USP36: variants seen among roughly 807,000 people sequenced by gnomAD.
The protein encoded by USP36 is ubiquitin specific peptidase 36, also known as ubiquitin carboxyl-terminal hydrolase 36.
Under a neutral mutation model 111.5 loss-of-function variants are expected in USP36, and 59 were observed. That is an observed-to-expected ratio of 0.53 (90% CI 0.43 to 0.66). The LOEUF (loss-of-function observed/expected upper bound fraction) is 0.66, where lower values mean the gene tolerates loss of function less well. USP36 is among the 30% of genes least tolerant of loss of function. The pLI is 0.00. For synonymous variants in USP36, 628 were observed against 581.0 expected, an observed-to-expected ratio of 1.08 and a Z score of -1.16; for missense variants, 1,488 against 1,468.0, an observed-to-expected ratio of 1.01 and a Z score of -0.22.
intron 13 of USP36, 144 bp from the exon 14 acceptor site, chr17:78,807,780 G>A: frequency 1.1e-6 from 1 of 871,154 alleles, no homozygotes; most frequent in Non-Finnish European, 1.6e-6. Flanking sequence ...TGGACTCTTG[G>A]TAAAGACACT....
chr17:78,806,793 C>T (rs539474892), intron 14 of USP36, among the ~76,000 whole-genome samples, 166 bp downstream of exon 14: 13 of 152,234 alleles, frequency 8.5e-5, no homozygotes, highest in Admixed American at 2.6e-4. Context: ...CCAAGATAGC[C>T]GTTCTTTAAT....
At chr17:78,815,203 G>A (rs1479322396) in intron 10 of USP36, among the ~76,000 whole-genome samples, 2 of 151,458 alleles carry the variant, frequency 1.3e-5, no homozygotes, top group Non-Finnish European at 2.9e-5. Context: ...GTGGTGGCAC[G>A]TGCCTGTAGT....
chr17:78,800,947 T>C (rs1016345748), intron 17 of USP36, among the ~76,000 whole-genome samples: 2 of 150,790 alleles, frequency 1.3e-5, no homozygotes, highest in South Asian at 4.2e-4. Flanking sequence ...GGAGCACAGC[T>C]CTGGTGCCAT....
Position 78,803,652 on chromosome 17 carries a change from T to TTCTTCC in USP36, c.2537_2542dup (p.Arg846_Lys847dup), listed in dbSNP as rs751922768. 76 of 1,609,868 alleles carry TTCTTCC rather than the reference T, an allele frequency of 4.7e-5. No individual in the cohort carries two copies. Among genetic ancestry groups the TTCTTCC allele is most frequent in the African/African-American group, 9.4e-5 (7 of 74,782 alleles). ...AGCTGTGTCCTCCGGGCGCTTCTTC[T>TTCTTCC]TCTTCCTCTTCCTCTTCCCGTGGGG... On this transcript the variant is annotated inframe_insertion, in exon 16 of 21. Transcript: ENST00000449938. This position sits in a 1 kb window ranked among gnomAD's most constrained non-coding sequence, Gnocchi z 4.6.
intron 15 of USP36, among the ~76,000 whole-genome samples, chr17:78,805,227 C>CA (rs754530045): frequency 3.9e-4 from 59 of 152,172 alleles, no homozygotes; most frequent in Non-Finnish European, 2.4e-4. Flanking sequence ...AGGGCCATGC[C>CA]AGCTGCACGA....
At chr17:78,806,428 G>C (rs2093903675) in intron 14 of USP36, 142 bp from the exon 15 acceptor site, 2 of 1,016,082 alleles carry the variant, frequency 2.0e-6, no homozygotes, top group South Asian at 1.6e-5. Flanking sequence ...AAGACAAAAA[G>C]GGGAGGTGAG....
chr17:78,806,390 C>T (rs531835369), intron 14 of USP36, 104 bp from the exon 15 acceptor site: 1 of 1,498,304 alleles, frequency 6.7e-7, no homozygotes, highest in African/African-American at 1.4e-5. Flanking sequence ...AACAAAAGAG[C>T]CCAGAAAAAA....
chr17:78,833,590 C>CA (rs2068359702), intron 4 of USP36, among the ~76,000 whole-genome samples: 1 of 152,152 alleles, frequency 6.6e-6, no homozygotes, highest in Non-Finnish European at 1.5e-5. Flanking sequence ...CTCAAAAACT[C>CA]ACAGTTACTA....
In USP36 at chr17:78,806,209, GGGGT is replaced by G. The variant is rs1567921070; in HGVS notation, c.2159_2162del (p.His720ProfsTer2). 4 of 1,613,354 alleles carry G rather than the reference GGGGT, an allele frequency of 2.5e-6. No individual in the cohort carries two copies. The highest frequency in any genetic ancestry group is 3.4e-6 in the Non-Finnish European group (4 of 1,179,878). ...CAACGACGGGGTGAGAGGTTTTCAT[GGGGT>G]GGGTGAGGTCGGAGGATGGTGAGGG... On this transcript the variant is annotated frameshift_variant, in exon 15 of 21. Coordinates refer to ENST00000449938, the MANE Select transcript of USP36 (RefSeq NM_001385174.1). LOFTEE classifies it high-confidence loss of function.
chr17:78,813,335 C>T (rs2094112633), intron 12 of USP36, among the ~76,000 whole-genome samples: 1 of 152,174 alleles, frequency 6.6e-6, no homozygotes, highest in South Asian at 2.1e-4. Context: ...TCAGCTGCCA[C>T]GGTCTCCAGC....
chr17:78,831,739 T>G (rs747364907), intron 4 of USP36, among the ~76,000 whole-genome samples: 1 of 151,682 alleles, frequency 6.6e-6, no homozygotes, highest in Non-Finnish European at 1.5e-5. Context: ...CCCAGGTGTT[T>G]GAGACCAGCC....
At chr17:78,804,178 T>C (rs564172484) in intron 15 of USP36, among the ~76,000 whole-genome samples, 200 bp from the exon 16 acceptor site, 137 of 152,160 alleles carry the variant, frequency 9.0e-4, no homozygotes, top group African/African-American at 3.2e-3. Context: ...AAATGCAAAG[T>C]TGGCCAGGTA....
In USP36 at chr17:78,812,547, C is replaced by T. The variant is rs58129406; in HGVS notation, c.1407+313G>A. 1.5e-3 allele frequency among the ~76,000 whole-genome samples: 228 copies of T among 151,758 alleles called. 2 individuals carry two copies. Among genetic ancestry groups the T allele is most frequent in the African/African-American group, 5.3e-3 (220 of 41,372 alleles). On this transcript the variant is annotated intron_variant, in intron 13 of 20. Coordinates refer to ENST00000449938, the MANE Select transcript of USP36 (RefSeq NM_001385174.1). ...TACTAAAAATACAAAAAAAATTAGC[C>T]GGGCGTGGTTCGGGCACCTATAATC...
intron 6 of USP36, 196 bp downstream of exon 6, chr17:78,827,049 C>T (rs776575805): frequency 1.4e-6 from 1 of 719,214 alleles, no homozygotes. Context: ...CGGAGACAGC[C>T]CTTTCCCAGG....
chr17:78,795,458 G>C (rs1325446882), downstream of USP36, among the ~76,000 whole-genome samples: 1 of 152,132 alleles, frequency 6.6e-6, no homozygotes, highest in Non-Finnish European at 1.5e-5. This position sits in a 1 kb window ranked among gnomAD's most constrained non-coding sequence, Gnocchi z 4.5. Flanking sequence ...CTGCGCCCCG[G>C]GGTTCATTCA....
rs2145035138 is a variant in USP36 at position 78,803,756 on chromosome 17, T to C, written c.2439A>G (p.Lys813=). ...TCTGCGGCTCTCCCACAAAGGTCTT[T>C]TTCCTCTTCTCAGAGGGGCTCTGGG... ...EPPQSPSEKR[K]KTFVGEPQRL... The change falls in exon 16 of 21, where the codon AAA becomes AAG. Residue 813 remains lysine (K), a synonymous_variant. Coordinates refer to ENST00000449938, the MANE Select transcript of USP36 (RefSeq NM_001385174.1). The surrounding 1 kb of genome is among the most constrained non-coding windows in gnomAD (Gnocchi z 4.6). 2 of 1,612,726 alleles carry C rather than the reference T, an allele frequency of 1.2e-6. No homozygotes were observed. Among genetic ancestry groups the C allele is most frequent in the Non-Finnish European group, 1.7e-6 (2 of 1,179,964 alleles).
At position 78,803,948 on chromosome 17, in the gene USP36, G is replaced by A. The variant is rs765576387; in HGVS notation, c.2247C>T (p.Ser749=). 5.0e-6 allele frequency: 8 copies of A among 1,602,116 alleles called. No individual in the cohort carries two copies. Among genetic ancestry groups the A allele is most frequent in the South Asian group, 4.4e-5 (4 of 90,438 alleles). ...RAVSPAPQSS[S]RLQPPFSPHP... ...GGGGGCTGAAGGGGGGTTGCAGGCGGCTGGATGATTGGGGAGCAGGTGACA... is the reference window on the plus strand; with the variant it reads ...GGGGGCTGAAGGGGGGTTGCAGGCGACTGGATGATTGGGGAGCAGGTGACA... Residue 749 remains serine (S), a synonymous_variant, in exon 16 of 21, where the codon AGC becomes AGT. Transcript: ENST00000449938. The surrounding 1 kb of genome is among the most constrained non-coding windows in gnomAD (Gnocchi z 4.6).
chr17:78,841,124 G>T (rs571712477), upstream of USP36: 1 of 152,374 alleles, frequency 6.6e-6, no homozygotes, highest in South Asian at 2.1e-4. Flanking sequence ...GAGCACACCT[G>T]GCGGCGTGGC....
At chr17:78,806,602 C>T (rs369303458) in intron 14 of USP36, among the ~76,000 whole-genome samples, 1 of 152,228 alleles carries the variant, frequency 6.6e-6, no homozygotes, top group Non-Finnish European at 1.5e-5. Context: ...TGGGGCTCTG[C>T]GCTTCCTGCC....
Sources: allele counts gnomAD v4.1 joint callset (sites outside exome capture counted in the v4.1 genomes callset), GRCh38; gene constraint gnomAD v4.1.1; non-coding constraint Gnocchi (gnomAD v3.1); transcripts MANE v1.5; gene names NCBI Gene and HGNC (gene_info 2026-07-23, HGNC 2026-07-21).